The following RCAN2 variants were observed in gnomAD, a reference collection of about 807,000 sequenced individuals.
The protein encoded by RCAN2 is calcipressin-2.
A neutral mutation model predicts 23.6 loss-of-function variants in RCAN2; 9 were observed. The observed-to-expected ratio is 0.38, with a 90% CI of 0.23 to 0.67. The LOEUF is 0.67. RCAN2 is among the 30% of genes least tolerant of loss of function. The pLI is 0.51. For missense variants in RCAN2, 273 were observed against 302.3 expected, an observed-to-expected ratio of 0.90 and a Z score of 0.72; for synonymous variants, 109 against 115.7, an observed-to-expected ratio of 0.94 and a Z score of 0.37.
In RCAN2 at chr6:46,287,987, G is replaced by A. The variant is rs142424572; in HGVS notation, c.226-39091C>T. Among the ~76,000 whole-genome samples the A allele has an allele frequency of 5.4e-3, 826 of 152,294 alleles. 6 individuals carry two copies. Among genetic ancestry groups the A allele is most frequent in the African/African-American group, 0.018 (761 of 41,546 alleles). ...AGGATATTAATGTCTATCCTTCCCT[G>A]CACCCAAACCCCCACTCTCTTTTCT... On this transcript the variant is annotated intron_variant, in intron 2 of 4. Transcript: ENST00000371374.
At chr6:46,473,896 T>G (rs1285923119) in intron 1 of RCAN2, among the ~76,000 whole-genome samples, 1 of 152,210 alleles carries the variant, frequency 6.6e-6, no homozygotes, top group Non-Finnish European at 1.5e-5. Context: ...GTCTTACATA[T>G]AAACTCACAT....
chr6:46,424,019 C>T lies in RCAN2; in HGVS notation c.225+32733G>A, dbSNP rs1054966273. 4.4e-4 allele frequency among the ~76,000 whole-genome samples: 67 copies of T among 152,134 alleles called. 2 individuals are homozygous for T. The stretch of plus-strand genomic sequence containing the variant: ...GGCAAAAGTGTGGTTCTCGAACCTG[C>T]GAGCTAACCACTCTGTACCACCATC... On this transcript the variant is annotated intron_variant, in intron 2 of 4. Transcript: ENST00000371374.
chr6:46,296,824 T>C (rs1417554123), intron 2 of RCAN2, among the ~76,000 whole-genome samples: 1 of 152,100 alleles, frequency 6.6e-6, no homozygotes, highest in Admixed American at 6.5e-5. Context: ...CACCTTCTTA[T>C]GCAATACGTT....
chr6:46,477,216 G>A (rs1167538568), intron 1 of RCAN2, among the ~76,000 whole-genome samples: 1 of 152,064 alleles, frequency 6.6e-6, no homozygotes, highest in Non-Finnish European at 1.5e-5. Context: ...CATGGACTCT[G>A]TTGGTTTCTA....
intron 2 of RCAN2, among the ~76,000 whole-genome samples, chr6:46,253,648 CT>C (rs746730358): frequency 6.6e-6 from 1 of 152,056 alleles, no homozygotes; most frequent in Non-Finnish European, 1.5e-5. Context: ...TTGGCATTTT[CT>C]TTTTCTGCTT....
chr6:46,335,833 G>T (rs1460331690), intron 2 of RCAN2, among the ~76,000 whole-genome samples: 2 of 152,142 alleles, frequency 1.3e-5, no homozygotes, highest in African/African-American at 4.8e-5. Flanking sequence ...TATCTCAGTT[G>T]AAATTTGGAA....
chr6:46,434,373 A>T (rs1197438179), intron 2 of RCAN2, among the ~76,000 whole-genome samples: 2 of 152,178 alleles, frequency 1.3e-5, no homozygotes, highest in African/African-American at 4.8e-5. Flanking sequence ...AAGCAAACTC[A>T]GAGACAGGTC....
intron 2 of RCAN2, among the ~76,000 whole-genome samples, chr6:46,389,359 T>A (rs1396435884): frequency 6.6e-6 from 1 of 152,222 alleles, no homozygotes; most frequent in Non-Finnish European, 1.5e-5. Context: ...CTCACTGGAA[T>A]GTCCTTCCTC....
intron 1 of RCAN2, among the ~76,000 whole-genome samples, chr6:46,485,343 G>C (rs1479152650): frequency 1.3e-5 from 2 of 152,150 alleles, no homozygotes; most frequent in African/African-American, 2.4e-5. Context: ...GCAAAATTCT[G>C]TACACAGTTA....
At chr6:46,430,546 G>C (rs1157052061) in intron 2 of RCAN2, among the ~76,000 whole-genome samples, 1 of 152,024 alleles carries the variant, frequency 6.6e-6, no homozygotes, top group Non-Finnish European at 1.5e-5. Context: ...AGAATGAAGA[G>C]GGAAATAAGA....
chr6:46,446,115 A>G (rs1277257540), intron 2 of RCAN2, among the ~76,000 whole-genome samples: 1 of 151,940 alleles, frequency 6.6e-6, no homozygotes, highest in Admixed American at 6.6e-5. Context: ...AAAATATATT[A>G]TAATCAAATT....
At chr6:46,302,362 C>T (rs1044203592) in intron 2 of RCAN2, among the ~76,000 whole-genome samples, 7 of 152,046 alleles carry the variant, frequency 4.6e-5, no homozygotes, top group African/African-American at 1.7e-4. Context: ...ATCTCAGTAA[C>T]AGGAGACATT....
At chr6:46,348,114 A>G (rs912007869) in intron 2 of RCAN2, among the ~76,000 whole-genome samples, 1 of 152,150 alleles carries the variant, frequency 6.6e-6, no homozygotes, top group Non-Finnish European at 1.5e-5. Flanking sequence ...TAGTAACCCA[A>G]TTGAAATCAT....
intron 1 of RCAN2, among the ~76,000 whole-genome samples, chr6:46,463,089 G>T (rs919385793): frequency 3.9e-5 from 6 of 152,266 alleles, no homozygotes; most frequent in African/African-American, 9.6e-5. Flanking sequence ...GACCAGAAAG[G>T]GTTGGGTGGT....
chr6:46,232,917 T>C (rs79756933), intron 4 of RCAN2, among the ~76,000 whole-genome samples: 12,120 of 151,900 alleles, frequency 0.08, 1,678 homozygotes, highest in African/African-American at 0.28. Flanking sequence ...GTTTGGGTGG[T>C]GACGGTTACA....
chr6:46,296,962 A>T (rs1265545384), intron 2 of RCAN2, among the ~76,000 whole-genome samples: 1 of 152,108 alleles, frequency 6.6e-6, no homozygotes, highest in Admixed American at 6.6e-5. Context: ...TTTCCATTAT[A>T]CCCAGACACA....
intron 2 of RCAN2, among the ~76,000 whole-genome samples, chr6:46,297,513 C>A (rs184681441): frequency 2.0e-5 from 3 of 151,972 alleles, no homozygotes; most frequent in Admixed American, 6.6e-5. Context: ...AGACACCCCC[C>A]GCTTTGCCTA....
rs141031104 is a variant in RCAN2, at chr6:46,430,739, G to T, written c.225+26013C>A. On this transcript the variant is annotated intron_variant, in intron 2 of 4. Coordinates refer to ENST00000371374, the MANE Select transcript of RCAN2 (RefSeq NM_001251974.2). ...TCAAAGTTATGTACAATAGCAAATT[G>T]GTTTCTTCAAAGGTATGTACAATAG... Among the ~76,000 whole-genome samples the T allele has an allele frequency of 6.2e-3, 944 of 152,206 alleles. 9 individuals are homozygous for T. The highest frequency in any genetic ancestry group is 0.022 in the African/African-American group (906 of 41,512).
intron 2 of RCAN2, among the ~76,000 whole-genome samples, chr6:46,288,679 C>T (rs905059635): frequency 5.3e-5 from 8 of 152,262 alleles, no homozygotes; most frequent in African/African-American, 1.9e-4. Flanking sequence ...CCTCCATTTC[C>T]TCTTTCATCC....
Sources: gnomAD v4.1 joint callset for allele counts (sites outside exome capture counted in the v4.1 genomes callset) on GRCh38, gnomAD v4.1.1 for gene constraint, MANE v1.5 for transcripts, NCBI Gene and HGNC (gene_info 2026-07-23, HGNC 2026-07-21) for gene names.